Variants in HS3ST1 observed in about 807,000 individuals in gnomAD.
The protein encoded by HS3ST1 is heparan sulfate-glucosamine 3-sulfotransferase 1.
In HS3ST1, 8 loss-of-function variants were observed where a neutral mutation model predicts 20.7. That is an observed-to-expected ratio of 0.39 (90% CI 0.23 to 0.70). The LOEUF is 0.70. Ranked by LOEUF, HS3ST1 falls within the 30% of genes least tolerant of loss-of-function variation. The pLI, the probability that HS3ST1 is intolerant of heterozygous loss-of-function variation, is 0.46. For missense variants in HS3ST1, 436 were observed against 423.4 expected, an observed-to-expected ratio of 1.03 and a Z score of -0.26; for synonymous variants, 205 against 190.4, an observed-to-expected ratio of 1.08 and a Z score of -0.63.
intron 1 of HS3ST1, among the ~76,000 whole-genome samples, chr4:11,425,796 T>G (rs10000548): frequency 0.24 from 36,807 of 152,012 alleles, 5,355 homozygotes; most frequent in African/African-American, 0.41. Flanking sequence ...AGGAAGAAAT[T>G]TAGGGTCAGG....
At chr4:11,432,387 G>C (rs967284126), upstream of HS3ST1, among the ~76,000 whole-genome samples, 3 of 152,162 alleles carry the variant, frequency 2.0e-5, no homozygotes, top group African/African-American at 7.2e-5. Context: ...TTGGGATCAG[G>C]TTAAAAATCC....
intron 1 of HS3ST1, among the ~76,000 whole-genome samples, chr4:11,404,905 G>A (rs1718423279): frequency 6.6e-6 from 1 of 152,190 alleles, no homozygotes; most frequent in South Asian, 2.1e-4. Context: ...GGTAAGTGAT[G>A]TTTTTATTTT....
In HS3ST1 at chr4:11,397,444, C is replaced by CT. The variant is rs1718173247; in HGVS notation, c.*1637dup. ...CCCTTCCTGTATCTGGGACACACCT[C>CT]TTAGGATGGAAGATATTTGGCACCT... On this transcript the variant is annotated 3_prime_UTR_variant, in exon 2 of 2. Transcript: ENST00000002596. 1 of 152,276 alleles carries CT rather than the reference C, an allele frequency of 6.6e-6. No individual in the cohort carries two copies. The highest frequency in any genetic ancestry group is 2.1e-4 in the South Asian group (1 of 4,834). The allele number at this position is 152,276 out of a possible 1,614,324, so 9.4% of individuals were successfully genotyped here. A position where few individuals can be genotyped will look rare whatever the true frequency, so the allele number is the denominator to read the frequency against.
At chr4:11,425,311 G>A (rs576794952) in intron 1 of HS3ST1, among the ~76,000 whole-genome samples, 1 of 152,246 alleles carries the variant, frequency 6.6e-6, no homozygotes, top group African/African-American at 2.4e-5. Flanking sequence ...CGTGACACTG[G>A]TCATGTTTTA....
chr4:11,424,037 GAAAAAA>G (rs543945093), intron 1 of HS3ST1, among the ~76,000 whole-genome samples: 11 of 112,896 alleles, frequency 9.7e-5, no homozygotes, highest in African/African-American at 3.1e-4. Context: ...AGTCTATCTT[GAAAAAA>G]AAAAAAAAAA....
chr4:11,432,455 T>A (rs1719223166), upstream of HS3ST1, among the ~76,000 whole-genome samples: 1 of 152,222 alleles, frequency 6.6e-6, no homozygotes. Context: ...CTCTTACTGC[T>A]GAATCACCTT....
chr4:11,398,228 A>G lies in HS3ST1; in HGVS notation c.*854T>C, dbSNP rs1042582545. On this transcript the variant is annotated 3_prime_UTR_variant, in exon 2 of 2. Transcript: ENST00000002596. ...CTTTCAGACTAAGCAAAAGACTACT[A>G]CCCTTTTAGTCAGCCTTTCACAGAA... The G allele has an allele frequency of 5.9e-5, 9 of 152,184 alleles. No individual in the cohort carries two copies. The highest frequency in any genetic ancestry group is 2.2e-4 in the African/African-American group (9 of 41,452). 9.4% of individuals were successfully genotyped at this position (152,184 alleles called of 1,614,324 possible).
At chr4:11,422,925 A>T (rs2108890477) in intron 1 of HS3ST1, among the ~76,000 whole-genome samples, 1 of 146,868 alleles carries the variant, frequency 6.8e-6, no homozygotes, top group East Asian at 2.2e-4. Context: ...CAGGAGGCTG[A>T]GATAGGAGAA....
Position 11,399,614 on chromosome 4 carries a change from T to C in HS3ST1, c.392A>G (p.Glu131Gly), listed in dbSNP as rs1434589887. ...GGACGGGTTCATGCTGTAGACTCGC[T>C]CAGGCACTTTGGGCGACGTGAAATA... is the stretch of plus-strand genomic sequence containing the variant. ...PAYFTSPKVP[E>G]RVYSMNPSIR... Residue 131 changes from glutamate to glycine, a missense_variant, in exon 2 of 2, where the codon GAG (glutamate) becomes GGG (glycine). Transcript: ENST00000002596. The surrounding 1 kb of genome is among the most constrained non-coding windows in gnomAD (Gnocchi z 5.1). 1.9e-6 allele frequency: 3 copies of C among 1,613,790 alleles called. No homozygotes were observed. In the African/African-American group the frequency reaches 4.0e-5, roughly 22 times the overall value.
At chr4:11,412,886 G>A (rs1023347678) in intron 1 of HS3ST1, among the ~76,000 whole-genome samples, 3 of 152,320 alleles carry the variant, frequency 2.0e-5, no homozygotes, top group African/African-American at 7.2e-5. Flanking sequence ...TGATGGTATT[G>A]GAGGTGGGGC....
At chr4:11,419,082 A>G (rs1348766102) in intron 1 of HS3ST1, among the ~76,000 whole-genome samples, 2 of 151,668 alleles carry the variant, frequency 1.3e-5, no homozygotes, top group Non-Finnish European at 2.9e-5. Context: ...CTGGACTTCT[A>G]TGCTCTTCAA....
At position 11,400,896 on chromosome 4, in the gene HS3ST1, A is replaced by G. The variant is rs376847189; in HGVS notation, c.-108-783T>C. Among the ~76,000 whole-genome samples, 7 of 152,320 alleles carry G rather than the reference A, an allele frequency of 4.6e-5. No individual in the cohort carries two copies. In the South Asian group the frequency reaches 6.2e-4, roughly 14 times the overall value. ...ACCCTCTTTCACTATTGGCTTTGCC[A>G]TGAGAAGAATATGCCCTGGCTAGCC... is the stretch of plus-strand genomic sequence containing the variant. On this transcript the variant is annotated intron_variant, in intron 1 of 1. Transcript: ENST00000002596.
intron 1 of HS3ST1, among the ~76,000 whole-genome samples, chr4:11,425,796 TTA>T (rs1719045545): frequency 6.6e-6 from 1 of 151,962 alleles, no homozygotes; most frequent in Non-Finnish European, 1.5e-5. Flanking sequence ...AGGAAGAAAT[TTA>T]GGGTCAGGGA....
At chr4:11,431,558 A>G (rs1171633998), upstream of HS3ST1, among the ~76,000 whole-genome samples, 1 of 152,194 alleles carries the variant, frequency 6.6e-6, no homozygotes, top group Non-Finnish European at 1.5e-5. Context: ...AGATATCTCC[A>G]TTGCCCTAAG....
chr4:11,408,463 C>T (rs1054361954), intron 1 of HS3ST1, among the ~76,000 whole-genome samples: 9 of 152,154 alleles, frequency 5.9e-5, no homozygotes, highest in African/African-American at 2.2e-4. Context: ...GAAGAAAGGA[C>T]AGTGACACAT....
intron 1 of HS3ST1, among the ~76,000 whole-genome samples, chr4:11,406,017 C>G (rs77569674): frequency 0.02 from 2,975 of 152,298 alleles, 97 homozygotes; most frequent in African/African-American, 0.067. Flanking sequence ...TTCACAGCCC[C>G]TCAATGAGAG....
chr4:11,431,109 G>C (rs1719196561), upstream of HS3ST1, among the ~76,000 whole-genome samples: 1 of 151,794 alleles, frequency 6.6e-6, no homozygotes, highest in African/African-American at 2.4e-5. Flanking sequence ...TTAGGGATCT[G>C]TCTTCTCTAA....
In HS3ST1 at chr4:11,399,109, A is replaced by C; in HGVS notation, c.897T>G (p.Leu299=). 1 of 1,613,078 alleles carries C rather than the reference A, an allele frequency of 6.2e-7. No individual in the cohort carries two copies. Among genetic ancestry groups the C allele is most frequent in the South Asian group, 1.1e-5 (1 of 91,042 alleles). The change falls in exon 2 of 2, where the codon CTT becomes CTG. Residue 299 remains leucine (L), a synonymous_variant. Transcript: ENST00000002596. The surrounding 1 kb of genome is among the most constrained non-coding windows in gnomAD (Gnocchi z 5.1). The stretch of plus-strand genomic sequence containing the variant: ...AGTGCCAGTCAAATGTTCTGCCAAC[A>C]AGCTCGAAGAACTTCTTATTTGGCT... ...FHEPNKKFFE[L]VGRTFDWH is the part of the protein sequence containing the mutation.
chr4:11,406,613 G>A (rs566680752), intron 1 of HS3ST1, among the ~76,000 whole-genome samples: 1 of 152,264 alleles, frequency 6.6e-6, no homozygotes, highest in South Asian at 2.1e-4. Context: ...ATATTCCACT[G>A]GCCATCCTCA....
Sources: allele counts gnomAD v4.1 joint callset (sites outside exome capture counted in the v4.1 genomes callset), GRCh38; gene constraint gnomAD v4.1.1; non-coding constraint Gnocchi (gnomAD v3.1); transcripts MANE v1.5; gene names NCBI Gene and HGNC (gene_info 2026-07-23, HGNC 2026-07-21).